The following MCPH1 variants were observed in gnomAD, a reference collection of about 807,000 sequenced individuals.
MCPH1 encodes the protein microcephalin.
Under a neutral mutation model 84.5 loss-of-function variants are expected in MCPH1, and 104 were observed. That is an observed-to-expected ratio of 1.23 (90% CI 1.05 to 1.45). MCPH1 has a LOEUF of 1.45. Ranked by LOEUF, MCPH1 falls within the 40% of genes most tolerant of loss-of-function variation. The probability of loss-of-function intolerance (pLI) is 0.00; values close to 1 mark genes in which losing one functional copy is unlikely to be tolerated. For missense variants in MCPH1, 1,498 were observed against 1,005.7 expected (o/e 1.49, Z -6.62); for synonymous variants, 514 against 366.8 (o/e 1.40, Z -4.58).
intron 12 of MCPH1, chr8:6,616,012 G>A (rs1362487129): frequency 2.6e-5 from 4 of 152,198 alleles, no homozygotes; most frequent in Non-Finnish European, 5.9e-5. Context: ...ACTATACTAA[G>A]AACCACTGAG....
chr8:6,408,774 G>A (rs1798108228), intron 1 of MCPH1, among the ~76,000 whole-genome samples: 1 of 152,144 alleles, frequency 6.6e-6, no homozygotes, highest in South Asian at 2.1e-4. Context: ...TGTTGCCCAG[G>A]CTGGTCTCAA....
In MCPH1 at chr8:6,648,483, T is replaced by C. The variant is rs1486836372; in HGVS notation, c.*5434T>C. ...AAACCTAGAACAAAAGTGGAATAAA[T>C]AAAAACTAACTGTCTCATTTCAGCA... On this transcript the variant is annotated 3_prime_UTR_variant, in exon 14 of 14. Transcript: ENST00000344683. 1 of 151,644 alleles carries C rather than the reference T, an allele frequency of 6.6e-6. No individual in the cohort carries two copies. The highest frequency in any genetic ancestry group is 1.5e-5 in the Non-Finnish European group (1 of 67,942). The allele number at this position is 151,644 out of a possible 1,614,324, so 9.4% of individuals were successfully genotyped here. A position where few individuals can be genotyped will look rare whatever the true frequency, so the allele number is the denominator to read the frequency against.
chr8:6,446,308 C>G, intron 8 of MCPH1: 1 of 985,242 alleles, frequency 1.0e-6, no homozygotes, highest in Non-Finnish European at 1.2e-6. Flanking sequence ...CCGTCTTTAC[C>G]TAAAGATTAG....
At chr8:6,604,363 G>C (rs545117673) in intron 12 of MCPH1, among the ~76,000 whole-genome samples, 1 of 152,228 alleles carries the variant, frequency 6.6e-6, no homozygotes, top group African/African-American at 2.4e-5. Context: ...ATTCAGATCA[G>C]ATCTCTGTTG....
intron 13 of MCPH1, among the ~76,000 whole-genome samples, chr8:6,641,110 T>C (rs923635865): frequency 2.0e-5 from 3 of 152,234 alleles, no homozygotes; most frequent in African/African-American, 7.2e-5. Flanking sequence ...TTCTTTCCTA[T>C]AAACTTTAGA....
chr8:6,444,963 A>T lies in MCPH1; in HGVS notation c.1241A>T (p.Asp414Val). ...ALSCGESSYD[D>V]YFSPDNLKER... ...AGCTGTGGGGAGTCTTCATATGATG[A>T]CTATTTTTCACCTGATAATCTTAAG... Residue 414 changes from aspartate (D) to valine (V), a missense_variant, in exon 8 of 14, where the codon GAC (aspartate) becomes GTC (valine). Physicochemically the swap from Asp to Val is radical, Grantham distance 152. Transcript: ENST00000344683. The T allele has an allele frequency of 6.2e-7, 1 of 1,614,178 alleles. No individual in the cohort carries two copies. Among genetic ancestry groups the T allele is most frequent in the Non-Finnish European group, 8.5e-7 (1 of 1,180,040 alleles).
chr8:6,625,037 G>A, intron 13 of MCPH1: 1 of 498,256 alleles, frequency 2.0e-6, no homozygotes, highest in Non-Finnish European at 2.6e-6. Context: ...ACCATGCCCA[G>A]GTAATTTTTG....
At chr8:6,521,356 C>A in intron 12 of MCPH1, 4 of 1,613,674 alleles carry the variant, frequency 2.5e-6, no homozygotes, top group Non-Finnish European at 2.5e-6. Flanking sequence ...CTTTTATTGA[C>A]TGTAGTTGGA....
chr8:6,518,144 GA>G (rs1816641187), intron 12 of MCPH1, among the ~76,000 whole-genome samples: 2 of 152,162 alleles, frequency 1.3e-5, no homozygotes, highest in Non-Finnish European at 2.9e-5. Flanking sequence ...AAACATAGAT[GA>G]AACAATGTGA....
intron 12 of MCPH1, chr8:6,519,924 T>C: frequency 6.2e-7 from 1 of 1,613,036 alleles, no homozygotes; most frequent in Non-Finnish European, 8.5e-7. Flanking sequence ...TGGTGTGTCC[T>C]GATTTGAATA....
chr8:6,470,195 A>G (rs555733632), intron 9 of MCPH1, among the ~76,000 whole-genome samples: 17 of 152,346 alleles, frequency 1.1e-4, no homozygotes, highest in Non-Finnish European at 2.1e-4. Flanking sequence ...TAATAATAAG[A>G]TAAAGGTTTC....
intron 12 of MCPH1, among the ~76,000 whole-genome samples, chr8:6,566,813 G>T (rs12549365): frequency 0.05 from 7,211 of 145,418 alleles, 234 homozygotes; most frequent in East Asian, 0.11. Context: ...TGTGTGATCC[G>T]CAAGGCCATG....
chr8:6,493,967 G>C (rs1810950907), intron 11 of MCPH1, among the ~76,000 whole-genome samples: 1 of 150,944 alleles, frequency 6.6e-6, no homozygotes, highest in Non-Finnish European at 1.5e-5. Context: ...TTGAGACAGA[G>C]TTTCGCTCTG....
chr8:6,583,207 A>G (rs951685081), intron 12 of MCPH1, among the ~76,000 whole-genome samples: 5 of 150,942 alleles, frequency 3.3e-5, no homozygotes, highest in African/African-American at 7.3e-5. Flanking sequence ...TTTATTTAAT[A>G]CTTTGAAGCA....
chr8:6,444,472 G>A lies in MCPH1; in HGVS notation c.750G>A (p.Lys250=), dbSNP rs1187123427. ...GNSGCGNQER[K]LEGSINDIKS... ...CAGGATGTGGAAATCAGGAAAGGAA[G>A]TTGGAAGGATCCATTAATGACATTA... The change falls in exon 8 of 14, where the codon AAG becomes AAA. Residue 250 remains lysine, a synonymous_variant. Transcript: ENST00000344683. 1 of 1,614,184 alleles carries A rather than the reference G, an allele frequency of 6.2e-7. No individual in the cohort carries two copies. The highest frequency in any genetic ancestry group is 8.5e-7 in the Non-Finnish European group (1 of 1,180,032).
intron 11 of MCPH1, among the ~76,000 whole-genome samples, chr8:6,488,288 A>T (rs1339866182): frequency 6.6e-6 from 1 of 152,214 alleles, no homozygotes; most frequent in African/African-American, 2.4e-5. Context: ...GCTTCCCAGG[A>T]CCATAATCTG....
rs1338291734 is a variant in MCPH1 at position 6,409,344 on chromosome 8, A to C, written c.88A>C (p.Thr30Pro). 1.2e-6 allele frequency: 2 copies of C among 1,614,008 alleles called. No homozygotes were observed. The highest frequency in any genetic ancestry group is 2.2e-5 in the South Asian group (2 of 91,090). The part of the protein sequence containing the change: ...GTENYSKTFT[T>P]QLVDMGAKVS... ...AGAAAATTATTCAAAGACATTTACAACACAGCTTGTGGATATGGGGGCAAA... is the reference window on the plus strand; with the variant it reads ...AGAAAATTATTCAAAGACATTTACACCACAGCTTGTGGATATGGGGGCAAA... Residue 30 changes from threonine (T) to proline (P), a missense_variant, in exon 2 of 14, where the codon ACA becomes CCA. By Grantham distance (38) the Thr-to-Pro change is conservative. Transcript: ENST00000344683.
chr8:6,618,548 G>GTGT (rs1464628144), intron 12 of MCPH1: 1 of 152,188 alleles, frequency 6.6e-6, no homozygotes, highest in African/African-American at 2.4e-5. Context: ...ATGTGTGTGT[G>GTGT]TGTTGTGTGT....
At chr8:6,489,074 G>A (rs1810273490) in intron 11 of MCPH1, among the ~76,000 whole-genome samples, 2 of 152,160 alleles carry the variant, frequency 1.3e-5, no homozygotes, top group East Asian at 1.9e-4. Context: ...GCAGAAGATT[G>A]TGTGCAAGGT....
Sources: allele counts gnomAD v4.1 joint callset (sites outside exome capture counted in the v4.1 genomes callset), GRCh38; gene constraint gnomAD v4.1.1; transcripts MANE v1.5; gene names NCBI Gene and HGNC (gene_info 2026-07-23, HGNC 2026-07-21).